POLR1A: variants seen among roughly 807,000 people sequenced by gnomAD.
POLR1A encodes RNA polymerase I subunit A.
Under a neutral mutation model 205.3 loss-of-function variants are expected in POLR1A, and 84 were observed. That is an observed-to-expected ratio of 0.41 (90% CI 0.34 to 0.49). The LOEUF is 0.49. Among genes scored for constraint, POLR1A ranks in the 20% least tolerant of loss-of-function variants. POLR1A has a pLI of 0.22. For synonymous variants in POLR1A, 799 were observed against 863.7 expected (o/e 0.93, Z 1.31); for missense variants, 1,645 against 2,204.5 (o/e 0.75, Z 5.08).
intron 3 of POLR1A, among the ~76,000 whole-genome samples, chr2:86,093,671 A>C (rs1489852609): frequency 1.3e-5 from 2 of 152,300 alleles, no homozygotes; most frequent in South Asian, 2.1e-4. Context: ...TGACTAAAAA[A>C]ATACAAAAAT....
intron 27 of POLR1A, 117 bp from the exon 28 acceptor site, chr2:86,033,904 GC>G: frequency 7.9e-7 from 1 of 1,269,964 alleles, no homozygotes; most frequent in Non-Finnish European, 1.1e-6. Context: ...CGAGATGGAG[GC>G]CCAGCCTCTC....
chr2:86,041,180 T>C (rs1283899688), intron 24 of POLR1A, among the ~76,000 whole-genome samples: 1 of 100,212 alleles, frequency 1.0e-5, no homozygotes. Flanking sequence ...TGTGTGTGTG[T>C]GTGTGTGTGT....
At position 86,098,705 on chromosome 2, in the gene POLR1A, G is replaced by A. The variant is rs950535908; in HGVS notation, c.338C>T (p.Pro113Leu). 2 of 1,613,888 alleles carry A rather than the reference G, an allele frequency of 1.2e-6. No individual in the cohort carries two copies. Among genetic ancestry groups the A allele is most frequent in the Non-Finnish European group, 1.7e-6 (2 of 1,179,938 alleles). The change falls in exon 3 of 34, where the codon CCC becomes CTC. Residue 113 changes from proline to leucine, a missense_variant. By Grantham distance (98) the Pro-to-Leu change is moderately conservative (BLOSUM62 -3). Coordinates refer to ENST00000263857, the MANE Select transcript of POLR1A (RefSeq NM_015425.6). The part of the protein sequence containing the change: ...SCLNCHMLTC[P>L]RAVIHLLLCQ... ...GAGTAAGAGGTGAATCACGGCCCGG[G>A]GACAAGTCAGCATGTGGCAGTTTAA...
Position 86,043,201 on chromosome 2 carries a change from CAAACAAACAAAA to C in POLR1A, c.3136-18_3136-7del, listed in dbSNP as rs1356617007. 2 of 1,599,670 alleles carry C rather than the reference CAAACAAACAAAA, an allele frequency of 1.3e-6. No homozygotes were observed. The highest frequency in any genetic ancestry group is 1.7e-6 in the Non-Finnish European group (2 of 1,168,580). Reference sequence around the variant, plus strand: ...TGCTGTGATTTCATTATCACCTAAACAAACAAACAAAAAAACAAACAAACAAATCACACACAT... The same window carrying C: ...TGCTGTGATTTCATTATCACCTAAACAAACAAACAAACAAATCACACACAT... On this transcript the variant is annotated splice_polypyrimidine_tract_variant and splice_region_variant and intron_variant, in intron 22 of 33. Coordinates refer to ENST00000263857, the MANE Select transcript of POLR1A (RefSeq NM_015425.6).
At chr2:86,087,908 T>C (rs1381435698) in intron 6 of POLR1A, among the ~76,000 whole-genome samples, 1 of 152,208 alleles carries the variant, frequency 6.6e-6, no homozygotes, top group Non-Finnish European at 1.5e-5. Context: ...AACATTTACA[T>C]AGCACATATT....
chr2:86,040,558 A>G lies in POLR1A; in HGVS notation c.3574T>C (p.Leu1192=), dbSNP rs1337195838. Residue 1192 remains leucine (L), a splice_region_variant and synonymous_variant, in exon 25 of 34, where the codon TTG becomes CTG. Coordinates refer to ENST00000263857, the MANE Select transcript of POLR1A (RefSeq NM_015425.6). The stretch of plus-strand genomic sequence containing the variant: ...CACTTCAGCTGCAGCAAGGTCCTCA[A>G]CCTAGAGACGGTGGTGGGGGGTCAG... ...YEKSELSLDR[L]RTLLQLKWQR... The G allele has an allele frequency of 4.5e-6, 7 of 1,558,452 alleles. No individual in the cohort carries two copies. The highest frequency in any genetic ancestry group is 1.4e-5 in the African/African-American group (1 of 73,654).
chr2:86,081,051 T>A, intron 8 of POLR1A, 73 bp from the exon 9 acceptor site: 1 of 1,399,396 alleles, frequency 7.1e-7, no homozygotes, highest in Non-Finnish European at 9.9e-7. Flanking sequence ...CTCTCACCCA[T>A]GCCTACTGTA....
In POLR1A at chr2:86,065,259, TTC is replaced by T. The variant is rs1165034022; in HGVS notation, c.2058+13_2058+14del. ...TTCCTTTTGTTACATACACTGGCTG[TTC>T]TCTCCCAATTACCTGTTTTCCTGTC... On this transcript the variant is annotated intron_variant, in intron 14 of 33. Transcript: ENST00000263857. The T allele has an allele frequency of 6.2e-7, 1 of 1,610,142 alleles. No homozygotes were observed.
Position 86,088,815 on chromosome 2 carries a change from T to G in POLR1A, c.596A>C (p.His199Pro). Residue 199 changes from histidine (H) to proline (P), a missense_variant, in exon 5 of 34, where the codon CAT becomes CCT. His to Pro is a moderately conservative substitution (Grantham distance 77, BLOSUM62 -2). This residue lies in a region of POLR1A where 330 missense variants were observed against 375.6 expected (regional missense o/e 0.88). Transcript: ENST00000263857. ...SKLIALFWKA[H>P]MNAKRCPHCK... ...GTGGGGACAGCGCTTAGCATTCATATGTGCCTTCCAGAAGAGAGCAATGAG... is the reference window on the plus strand; with the variant it reads ...GTGGGGACAGCGCTTAGCATTCATAGGTGCCTTCCAGAAGAGAGCAATGAG... The G allele has an allele frequency of 1.2e-6, 2 of 1,614,138 alleles. No individual in the cohort carries two copies. Among genetic ancestry groups the G allele is most frequent in the Non-Finnish European group, 1.7e-6 (2 of 1,179,974 alleles).
intron 1 of POLR1A, among the ~76,000 whole-genome samples, chr2:86,101,081 A>G (rs969360978): frequency 3.3e-5 from 5 of 152,210 alleles, no homozygotes; most frequent in African/African-American, 1.2e-4. Context: ...CATTAAACAC[A>G]TTTAGTCAAA....
At chr2:86,033,185 GT>G (rs34343920) in intron 28 of POLR1A, among the ~76,000 whole-genome samples, 2 of 152,200 alleles carry the variant, frequency 1.3e-5, no homozygotes, top group African/African-American at 4.8e-5. Context: ...GCTCCTACTG[GT>G]TTTTTCCCTC....
At chr2:86,073,494 CCT>C (rs946734937) in intron 12 of POLR1A, among the ~76,000 whole-genome samples, 4 of 152,292 alleles carry the variant, frequency 2.6e-5, no homozygotes, top group Non-Finnish European at 5.9e-5. Flanking sequence ...CCTCTTTAGC[CCT>C]GAGGCTGGCC....
At chr2:86,094,616 A>G (rs1246693700) in intron 3 of POLR1A, among the ~76,000 whole-genome samples, 1 of 152,218 alleles carries the variant, frequency 6.6e-6, no homozygotes, top group Non-Finnish European at 1.5e-5. Flanking sequence ...GGGCCAGGGG[A>G]AAATACATGT....
chr2:86,071,945 A>T (rs562444913), intron 12 of POLR1A, among the ~76,000 whole-genome samples: 1 of 152,296 alleles, frequency 6.6e-6, no homozygotes, highest in Admixed American at 6.5e-5. Flanking sequence ...TCTAAATCAC[A>T]ACAGATAGCA....
intron 14 of POLR1A, among the ~76,000 whole-genome samples, chr2:86,057,048 G>C (rs983718633): frequency 2.0e-5 from 3 of 152,202 alleles, no homozygotes; most frequent in African/African-American, 7.2e-5. Context: ...GGCTGTAGCT[G>C]CCATAGATAG....
intron 21 of POLR1A, 158 bp from the exon 22 acceptor site, chr2:86,044,462 G>T: frequency 2.8e-6 from 2 of 714,420 alleles, no homozygotes; most frequent in Middle Eastern, 3.8e-4. Context: ...CCCGGGGTCT[G>T]GGCTTGCTCC....
At chr2:86,090,507 C>T (rs1673583564) in intron 3 of POLR1A, among the ~76,000 whole-genome samples, 1 of 151,854 alleles carries the variant, frequency 6.6e-6, no homozygotes, top group African/African-American at 2.4e-5. Context: ...ATTTTTAAAA[C>T]CTTAATGTTC....
intron 6 of POLR1A, among the ~76,000 whole-genome samples, chr2:86,086,901 T>C (rs1315378730): frequency 1.3e-5 from 2 of 152,226 alleles, no homozygotes; most frequent in East Asian, 3.8e-4. Flanking sequence ...GAAAATTGTT[T>C]TGAGGGCAAT....
chr2:86,067,602 G>A (rs1387853193), intron 13 of POLR1A, among the ~76,000 whole-genome samples: 2 of 152,032 alleles, frequency 1.3e-5, no homozygotes, highest in Admixed American at 1.3e-4. Flanking sequence ...CAGTATTATG[G>A]TTACTTAAGG....
Sources: allele counts gnomAD v4.1 joint callset (sites outside exome capture counted in the v4.1 genomes callset), GRCh38; gene constraint gnomAD v4.1.1; regional missense constraint gnomAD v4.1.1; transcripts MANE v1.5; gene names NCBI Gene and HGNC (gene_info 2026-07-23, HGNC 2026-07-21).